Variants in DIS3L2 observed in about 807,000 individuals in gnomAD.
DIS3L2 encodes the protein DIS3-like exonuclease 2.
A neutral mutation model predicts 97.5 loss-of-function variants in DIS3L2; 34 were observed. The ratio of observed to expected loss-of-function variants is 0.35; its 90% CI spans 0.27 to 0.46. The LOEUF (loss-of-function observed/expected upper bound fraction) is 0.46. DIS3L2 is among the 20% of genes least tolerant of loss of function. DIS3L2 has a pLI of 1.00. For missense variants in DIS3L2, 1,038 were observed against 1,146.0 expected (o/e 0.91, Z 1.36); for synonymous variants, 435 against 445.2 (o/e 0.98, Z 0.29).
At chr2:232,057,363 G>T (rs942260555) in intron 5 of DIS3L2, among the ~76,000 whole-genome samples, 5 of 152,054 alleles carry the variant, frequency 3.3e-5, no homozygotes, top group Admixed American at 3.3e-4. Context: ...ATATGGTGGG[G>T]TATCCTTCCT....
At position 232,198,114 on chromosome 2, in the gene DIS3L2, T is replaced by A. The variant is rs185645587; in HGVS notation, c.1125-12212T>A. Among the ~76,000 whole-genome samples the A allele has an allele frequency of 2.6e-5, 4 of 152,286 alleles. No homozygotes were observed. The East Asian group carries it at 7.7e-4, about 29-fold the overall frequency. On this transcript the variant is annotated intron_variant, in intron 9 of 20. Coordinates refer to ENST00000325385, the MANE Select transcript of DIS3L2 (RefSeq NM_152383.5). The stretch of plus-strand genomic sequence containing the variant: ...CTCTGCAGTTCTGTGACCTTGGGCT[T>A]CTTTGACCTTGAGCAAGTTACTTAA...
At chr2:231,962,165 G>A (rs146500294) in intron 1 of DIS3L2, among the ~76,000 whole-genome samples, 52 of 152,316 alleles carry the variant, frequency 3.4e-4, no homozygotes, top group Non-Finnish European at 6.6e-4. Context: ...GGACTGGCAG[G>A]GATGGGGAGC....
At chr2:232,136,410 T>G in intron 7 of DIS3L2, 62 bp from the exon 8 acceptor site, 1 of 1,586,048 alleles carries the variant, frequency 6.3e-7, no homozygotes, top group Non-Finnish European at 8.6e-7. Flanking sequence ...CCTGCTGACC[T>G]CTCCCAAGTG....
At chr2:232,122,983 AT>A (rs1422033257) in intron 6 of DIS3L2, among the ~76,000 whole-genome samples, 8 of 152,332 alleles carry the variant, frequency 5.3e-5, no homozygotes, top group African/African-American at 1.9e-4. Flanking sequence ...TGTCATGCCT[AT>A]GGATGGAAGC....
chr2:232,270,874 C>CTCTCTCTT lies in DIS3L2; in HGVS notation c.1659+7441_1659+7442insTTCTCTCT, dbSNP rs1553542458. On this transcript the variant is annotated intron_variant, in intron 13 of 20. Transcript: ENST00000325385. ...CTCTTTTTCTCGTCTCTCTCTCTCT[C>CTCTCTCTT]TCTCTCTCTCTCTCTCTCTCTCTCT... is the stretch of plus-strand genomic sequence containing the variant. Among the ~76,000 whole-genome samples the CTCTCTCTT allele has an allele frequency of 1.0e-2, 1,082 of 108,268 alleles. 26 individuals are homozygous for CTCTCTCTT. The highest frequency in any genetic ancestry group is 0.035 in the South Asian group (118 of 3,378). The allele number at this position is 108,268 out of a possible 152,430, so 71.0% of individuals were successfully genotyped here.
intron 6 of DIS3L2, among the ~76,000 whole-genome samples, chr2:232,127,356 C>G (rs1698092400): frequency 6.6e-6 from 1 of 152,176 alleles, no homozygotes; most frequent in South Asian, 2.1e-4. Context: ...AACCTAATTG[C>G]TAGTGTCAGA....
At chr2:232,183,866 A>T (rs928241467) in intron 9 of DIS3L2, among the ~76,000 whole-genome samples, 1 of 152,128 alleles carries the variant, frequency 6.6e-6, no homozygotes, top group Non-Finnish European at 1.5e-5. Flanking sequence ...TCAAATAATG[A>T]CATTTCTCCT....
chr2:232,266,512 C>T (rs1458437397), intron 13 of DIS3L2, among the ~76,000 whole-genome samples: 1 of 152,212 alleles, frequency 6.6e-6, no homozygotes, highest in Non-Finnish European at 1.5e-5. Flanking sequence ...AAGGGCTTTG[C>T]ACCCTTGGAG....
At chr2:232,106,441 C>G (rs554893982) in intron 6 of DIS3L2, among the ~76,000 whole-genome samples, 22 of 152,170 alleles carry the variant, frequency 1.4e-4, no homozygotes, top group Admixed American at 7.8e-4. Flanking sequence ...AGACTTTAAA[C>G]CACCAAAGAT....
In DIS3L2 at chr2:232,011,509, C is replaced by T. The variant is rs1186896268; in HGVS notation, c.-93-3326C>T. ...CTGGGAGTACAGGCGTGCACCACCA[C>T]GCACACTAATTTTGTGTTTTTTTAG... On this transcript the variant is annotated intron_variant, in intron 1 of 20. Transcript: ENST00000325385. Among the ~76,000 whole-genome samples, 3 of 151,836 alleles carry T rather than the reference C, an allele frequency of 2.0e-5. No individual in the cohort carries two copies. In the East Asian group the frequency reaches 5.8e-4, roughly 29 times the overall value.
At chr2:232,015,724 A>G (rs1694336487) in intron 3 of DIS3L2, 53 bp downstream of exon 3, 9 of 1,592,036 alleles carry the variant, frequency 5.7e-6, no homozygotes, top group South Asian at 3.4e-5. Context: ...ATCCAAAACA[A>G]TCTATTAAAC....
chr2:232,321,216 A>C (rs1019508358), intron 14 of DIS3L2, among the ~76,000 whole-genome samples: 1 of 152,170 alleles, frequency 6.6e-6, no homozygotes, highest in African/African-American at 2.4e-5. Context: ...GTGACAACCA[A>C]GGACCCCCAG....
At chr2:232,036,174 T>G (rs1461009890) in intron 5 of DIS3L2, among the ~76,000 whole-genome samples, 1 of 152,100 alleles carries the variant, frequency 6.6e-6, no homozygotes, top group Non-Finnish European at 1.5e-5. Flanking sequence ...GTAGGTTTGG[T>G]CTTTTCACAT....
rs1390781151 is a variant in DIS3L2 at position 232,325,971 on chromosome 2, A to G, written c.1740-3842A>G. On this transcript the variant is annotated intron_variant, in intron 14 of 20. Coordinates refer to ENST00000325385, the MANE Select transcript of DIS3L2 (RefSeq NM_152383.5). This position sits in a 1 kb window ranked among gnomAD's most constrained non-coding sequence, Gnocchi z 4.6. ...GCGCCCTTCGGGGCTCCCGTGGCCC[A>G]GAGTGTGGAGCGGCTCAACCTGACC... is the stretch of plus-strand genomic sequence containing the variant. Among the ~76,000 whole-genome samples the G allele has an allele frequency of 6.6e-6, 1 of 152,148 alleles. No individual in the cohort carries two copies. The highest frequency in any genetic ancestry group is 2.4e-5 in the African/African-American group (1 of 41,412).
At chr2:232,337,569 C>T (rs1401733456), downstream of DIS3L2, among the ~76,000 whole-genome samples, 2 of 152,096 alleles carry the variant, frequency 1.3e-5, no homozygotes, top group African/African-American at 4.8e-5. Context: ...CTGGGCAGTC[C>T]CTTCCCCAGC....
chr2:232,289,375 C>T (rs914378510), intron 13 of DIS3L2, among the ~76,000 whole-genome samples: 4 of 151,828 alleles, frequency 2.6e-5, no homozygotes, highest in East Asian at 1.9e-4. Context: ...TGGGTTCAAG[C>T]GATTCTCCTG....
At chr2:231,966,640 C>CTTT (rs1692723037) in intron 1 of DIS3L2, among the ~76,000 whole-genome samples, 1 of 70,524 alleles carries the variant, frequency 1.4e-5, no homozygotes, top group African/African-American at 5.2e-5. Context: ...AGTTAAAAAA[C>CTTT]ATTTTTTTTT....
At position 232,222,202 on chromosome 2, in the gene DIS3L2, C is replaced by G. The variant is rs537509425; in HGVS notation, c.1204+11797C>G. On this transcript the variant is annotated intron_variant, in intron 10 of 20. Coordinates refer to ENST00000325385, the MANE Select transcript of DIS3L2 (RefSeq NM_152383.5). ...AGGTTATCCACCCACCTCGGCTTCC[C>G]AAAGTGCTGGGATTACAGGCGTGAG... 3.3e-5 allele frequency among the ~76,000 whole-genome samples: 5 copies of G among 152,260 alleles called. No homozygotes were observed. The South Asian group carries it at 1.0e-3, about 32-fold the overall frequency.
At chr2:232,248,526 C>A (rs956823887) in intron 11 of DIS3L2, among the ~76,000 whole-genome samples, 6 of 152,158 alleles carry the variant, frequency 3.9e-5, no homozygotes, top group Non-Finnish European at 8.8e-5. Context: ...TTTGGGACAA[C>A]TGCAAGTCAT....
Sources: allele counts gnomAD v4.1 joint callset (sites outside exome capture counted in the v4.1 genomes callset), GRCh38; gene constraint gnomAD v4.1.1; non-coding constraint Gnocchi (gnomAD v3.1); transcripts MANE v1.5; gene names NCBI Gene and HGNC (gene_info 2026-07-23, HGNC 2026-07-21).